The following TAS2R1 variants were observed in gnomAD, a reference collection of about 807,000 sequenced individuals.
The protein encoded by TAS2R1 is taste receptor type 2 member 1.
For synonymous variants in TAS2R1, 141 were observed against 134.2 expected (o/e 1.05, Z -0.35); for missense variants, 370 against 353.4 (o/e 1.05, Z -0.38).
At chr5:9,635,600 T>G (rs1739949354) in intron 2 of TAS2R1, among the ~76,000 whole-genome samples, 1 of 147,450 alleles carries the variant, frequency 6.8e-6, no homozygotes. Flanking sequence ...TGTGATTTTT[T>G]TTTTTTACTA....
chr5:9,756,738 G>A, the TAS2R1 span, among the ~76,000 whole-genome samples: 1 of 152,028 alleles, frequency 6.6e-6, no homozygotes, highest in Non-Finnish European at 1.5e-5. Flanking sequence ...TCTAAATATA[G>A]GAGCTGATCT....
chr5:9,831,293 AC>A, the TAS2R1 span, among the ~76,000 whole-genome samples: 1 of 152,172 alleles, frequency 6.6e-6, no homozygotes, highest in Non-Finnish European at 1.5e-5. Context: ...ATGAGGAAAT[AC>A]TGATAATATA....
intron 1 of TAS2R1, among the ~76,000 whole-genome samples, chr5:9,690,191 GTTC>G (rs1400014248): frequency 6.6e-6 from 1 of 152,108 alleles, no homozygotes; most frequent in Non-Finnish European, 1.5e-5. Context: ...TATTAAAAGC[GTTC>G]TTGTAATTTT....
the TAS2R1 span, among the ~76,000 whole-genome samples, chr5:9,777,350 C>T: frequency 0.33 from 49,967 of 152,200 alleles, 9,443 homozygotes; most frequent in Admixed American, 0.43. Flanking sequence ...GTCACAGCAT[C>T]TTTGCCAGGA....
the TAS2R1 span, among the ~76,000 whole-genome samples, chr5:9,781,037 G>A: frequency 3.9e-5 from 6 of 152,118 alleles, no homozygotes; most frequent in South Asian, 2.1e-4. Context: ...CTCTTAATGC[G>A]TAATATATTT....
chr5:9,690,854 G>C (rs143459718), intron 1 of TAS2R1, among the ~76,000 whole-genome samples: 77 of 152,212 alleles, frequency 5.1e-4, no homozygotes, highest in African/African-American at 1.7e-3. Flanking sequence ...GGACGTAGAA[G>C]AGAGGTCATT....
the TAS2R1 span, among the ~76,000 whole-genome samples, chr5:9,743,513 C>T: frequency 6.6e-6 from 1 of 152,098 alleles, no homozygotes; most frequent in Non-Finnish European, 1.5e-5. Context: ...TGGATGGAAA[C>T]AGTTTACAAT....
the TAS2R1 span, among the ~76,000 whole-genome samples, chr5:9,845,687 CAAT>C: frequency 6.6e-6 from 1 of 152,178 alleles, no homozygotes; most frequent in African/African-American, 2.4e-5. Flanking sequence ...AGCCGTAATA[CAAT>C]GAGTCTATTT....
chr5:9,637,633 T>C (rs1211544334), intron 2 of TAS2R1, among the ~76,000 whole-genome samples: 1 of 152,134 alleles, frequency 6.6e-6, no homozygotes, highest in Non-Finnish European at 1.5e-5. Flanking sequence ...TTAAAATTCT[T>C]TTTTCTTTGC....
At chr5:9,814,281 C>T in the TAS2R1 span, among the ~76,000 whole-genome samples, 4 of 151,466 alleles carry the variant, frequency 2.6e-5, no homozygotes, top group Admixed American at 6.6e-5. Context: ...ACATTTATGC[C>T]GAGTTTTCTA....
chr5:9,891,747 C>T, the TAS2R1 span, among the ~76,000 whole-genome samples: 20 of 152,162 alleles, frequency 1.3e-4, no homozygotes, highest in Admixed American at 7.2e-4. Flanking sequence ...GACCAGGACT[C>T]GTATTACACC....
intron 2 of TAS2R1, among the ~76,000 whole-genome samples, chr5:9,656,078 G>C (rs1195615976): frequency 6.6e-6 from 1 of 151,962 alleles, no homozygotes; most frequent in Non-Finnish European, 1.5e-5. Flanking sequence ...TTACTATCCA[G>C]TTTTCCTACA....
At chr5:9,651,780 C>G (rs1018732129) in intron 2 of TAS2R1, among the ~76,000 whole-genome samples, 1 of 152,112 alleles carries the variant, frequency 6.6e-6, no homozygotes, top group Non-Finnish European at 1.5e-5. Context: ...AAAGCTCTGA[C>G]TGCCACTCAG....
the TAS2R1 span, among the ~76,000 whole-genome samples, chr5:9,880,298 A>G: frequency 6.6e-6 from 1 of 152,196 alleles, no homozygotes; most frequent in Admixed American, 6.5e-5. Context: ...TCTGGGGAAG[A>G]CACCTGCTTC....
chr5:9,684,892 A>G (rs866496590), intron 1 of TAS2R1, among the ~76,000 whole-genome samples: 1 of 152,248 alleles, frequency 6.6e-6, no homozygotes, highest in African/African-American at 2.4e-5. Context: ...AAATCAAATA[A>G]TACAACAATA....
At chr5:9,874,449 C>T in the TAS2R1 span, among the ~76,000 whole-genome samples, 1 of 118,236 alleles carries the variant, frequency 8.5e-6, no homozygotes, top group East Asian at 2.5e-4. Context: ...CTAGAAATTC[C>T]TGCATTATTC....
intron 1 of TAS2R1, among the ~76,000 whole-genome samples, chr5:9,675,478 G>A (rs759833254): frequency 1.4e-5 from 2 of 147,258 alleles, no homozygotes; most frequent in East Asian, 2.0e-4. Context: ...GTGCAGTGGC[G>A]TAATCTTGGC....
At chr5:9,719,636 G>C in the TAS2R1 span, among the ~76,000 whole-genome samples, 1 of 152,084 alleles carries the variant, frequency 6.6e-6, no homozygotes, top group Admixed American at 6.6e-5. Flanking sequence ...TGCTTAAAAA[G>C]CTACACTTCT....
At chr5:9,848,747 G>A in the TAS2R1 span, among the ~76,000 whole-genome samples, 27 of 152,190 alleles carry the variant, frequency 1.8e-4, no homozygotes, top group East Asian at 4.6e-3. Flanking sequence ...TGTTAATAAA[G>A]TTGGGGAGAT....
Sources: allele counts gnomAD v4.1 joint callset (sites outside exome capture counted in the v4.1 genomes callset), GRCh38; gene constraint gnomAD v4.1.1; transcripts MANE v1.5; gene names NCBI Gene and HGNC (gene_info 2026-07-23, HGNC 2026-07-21).